Variants in PLPPR5 observed in about 807,000 individuals in gnomAD.
The protein encoded by PLPPR5 is phospholipid phosphatase related 5, also known as phospholipid phosphatase-related protein type 5.
Under a neutral mutation model 33.9 loss-of-function variants are expected in PLPPR5, and 16 were observed. The ratio of observed to expected loss-of-function variants is 0.47; its 90% CI spans 0.32 to 0.72. PLPPR5 has a LOEUF of 0.72. PLPPR5 is among the 30% of genes least tolerant of loss of function. The pLI is 0.03. For synonymous variants in PLPPR5, 163 were observed against 150.3 expected (o/e 1.08, Z -0.62); for missense variants, 301 against 406.7 (o/e 0.74, Z 2.23).
At chr1:98,983,998 C>A (rs1456664906) in intron 1 of PLPPR5, among the ~76,000 whole-genome samples, 1 of 131,818 alleles carries the variant, frequency 7.6e-6, no homozygotes, top group Non-Finnish European at 1.6e-5. Flanking sequence ...CTCTTAATTT[C>A]TTTTTCTTGT....
intron 5 of PLPPR5, among the ~76,000 whole-genome samples, chr1:98,914,361 T>C (rs908718126): frequency 6.6e-6 from 1 of 152,102 alleles, no homozygotes; most frequent in Admixed American, 6.5e-5. Context: ...TCTTGGCTCA[T>C]TGCAACCTTT....
chr1:98,909,856 C>G (rs1649057896), intron 5 of PLPPR5, among the ~76,000 whole-genome samples: 1 of 152,118 alleles, frequency 6.6e-6, no homozygotes, highest in Non-Finnish European at 1.5e-5. Flanking sequence ...CGTTGGGATG[C>G]AACGGGCCAG....
intron 3 of PLPPR5, 42 bp from the exon 4 acceptor site, chr1:98,922,100 T>A (rs1364710249): frequency 1.9e-6 from 3 of 1,574,716 alleles, no homozygotes; most frequent in Admixed American, 3.4e-5. Flanking sequence ...ATGAAGGTAT[T>A]TCCTTTATTA....
intron 1 of PLPPR5, among the ~76,000 whole-genome samples, chr1:98,986,552 G>C (rs911080262): frequency 6.6e-6 from 1 of 151,712 alleles, no homozygotes; most frequent in Admixed American, 6.6e-5. Context: ...TTTGTTAAAG[G>C]AATAAGGGAA....
At chr1:98,915,018 A>G (rs1027156997) in intron 4 of PLPPR5, 98 bp from the exon 5 acceptor site, 3 of 1,089,124 alleles carry the variant, frequency 2.8e-6, no homozygotes, top group African/African-American at 3.2e-5. Context: ...GTAAGAAAGT[A>G]TTAAAATTAC....
At chr1:98,955,928 A>T (rs1650986224) in intron 2 of PLPPR5, among the ~76,000 whole-genome samples, 1 of 152,138 alleles carries the variant, frequency 6.6e-6, no homozygotes, top group Admixed American at 6.5e-5. Context: ...TAAGTCCTGA[A>T]TTAAAATGAT....
intron 5 of PLPPR5, among the ~76,000 whole-genome samples, chr1:98,905,073 CT>C (rs1648846784): frequency 6.6e-6 from 1 of 152,150 alleles, no homozygotes; most frequent in Non-Finnish European, 1.5e-5. Flanking sequence ...CTTTCCGATT[CT>C]TTTGTTCTTC....
chr1:98,998,202 G>C, intron 1 of PLPPR5, among the ~76,000 whole-genome samples: 1 of 152,172 alleles, frequency 6.6e-6, no homozygotes, highest in Non-Finnish European at 1.5e-5. Context: ...ATCCTAAGAG[G>C]CACAAGAAGG....
chr1:98,926,200 GCA>G (rs1557671712), intron 3 of PLPPR5, among the ~76,000 whole-genome samples: 2 of 152,076 alleles, frequency 1.3e-5, no homozygotes, highest in African/African-American at 4.8e-5. Context: ...TCAGCACTCT[GCA>G]CACTCTAGTG....
intron 1 of PLPPR5, among the ~76,000 whole-genome samples, chr1:99,003,078 T>TAC (rs1652926328): frequency 7.3e-6 from 1 of 137,452 alleles, no homozygotes; most frequent in African/African-American, 2.6e-5. Context: ...TATATATATA[T>TAC]ATATATATAT....
At position 98,893,095 on chromosome 1, in the gene PLPPR5, T is replaced by A; in HGVS notation, c.943A>T (p.Thr315Ser). ...EKVTSVQNHI[T>S]AFAEVT ...TATCATGTGACTTCTGCGAAGGCAG[T>A]GATGTGGTTCTGCAAAAAGAAAAAG... Residue 315 changes from threonine to serine, a missense_variant, in exon 6 of 6, where the codon ACT becomes TCT. Transcript: ENST00000263177. The A allele has an allele frequency of 6.2e-7, 1 of 1,611,034 alleles. No individual in the cohort carries two copies. Among genetic ancestry groups the A allele is most frequent in the Non-Finnish European group, 8.5e-7 (1 of 1,178,260 alleles).
intron 1 of PLPPR5, among the ~76,000 whole-genome samples, chr1:98,987,616 T>C (rs1368432553): frequency 2.6e-5 from 4 of 151,804 alleles, no homozygotes; most frequent in Non-Finnish European, 4.4e-5. Flanking sequence ...GTGTGATGCA[T>C]TCAAATAAAT....
Position 98,922,161 on chromosome 1 carries a change from G to A in PLPPR5, c.622-103C>T, listed in dbSNP as rs773755262. 25 of 1,016,074 alleles carry A rather than the reference G, an allele frequency of 2.5e-5. 1 individual carries two copies. Among genetic ancestry groups the A allele is most frequent in the Admixed American group, 6.4e-5 (2 of 31,420 alleles). 62.9% of individuals were successfully genotyped at this position (1,016,074 alleles called of 1,614,324 possible). On this transcript the variant is annotated intron_variant, in intron 3 of 5. Coordinates refer to ENST00000263177, the MANE Select transcript of PLPPR5 (RefSeq NM_001037317.2). ...AACATATATTTATAGACATATATACGCCTGTATGATTCAAATCATTAACTG... is the reference window on the plus strand; with the variant it reads ...AACATATATTTATAGACATATATACACCTGTATGATTCAAATCATTAACTG...
Position 98,987,076 on chromosome 1 carries a change from CTA to C in PLPPR5, c.237+17357_237+17358del, listed in dbSNP as rs903308096. Among the ~76,000 whole-genome samples, 10 of 151,904 alleles carry C rather than the reference CTA, an allele frequency of 6.6e-5. No individual in the cohort carries two copies. In the South Asian group the frequency reaches 1.5e-3, roughly 22 times the overall value. On this transcript the variant is annotated intron_variant, in intron 1 of 5. Coordinates refer to ENST00000263177, the MANE Select transcript of PLPPR5 (RefSeq NM_001037317.2). ...ATTATCACTCTGGATAAATAAATGA[CTA>C]TTACTTTACAGTGATATGTAATATT...
chr1:98,970,892 AT>A (rs995925960), intron 1 of PLPPR5, among the ~76,000 whole-genome samples: 3 of 152,124 alleles, frequency 2.0e-5, no homozygotes, highest in Non-Finnish European at 2.9e-5. Flanking sequence ...ATATTTTATT[AT>A]TTTGTTTTAT....
chr1:98,916,635 T>C (rs945818062), intron 4 of PLPPR5, among the ~76,000 whole-genome samples: 11 of 152,232 alleles, frequency 7.2e-5, no homozygotes, highest in Non-Finnish European at 1.5e-4. Flanking sequence ...TTTACAAAGA[T>C]AGGCAGCAGA....
At chr1:98,949,457 G>A (rs1650697190) in intron 3 of PLPPR5, among the ~76,000 whole-genome samples, 1 of 152,064 alleles carries the variant, frequency 6.6e-6, no homozygotes, top group African/African-American at 2.4e-5. Flanking sequence ...CTCCATAACA[G>A]GGCTCATTGA....
At chr1:98,989,822 C>T (rs1194582232) in intron 1 of PLPPR5, among the ~76,000 whole-genome samples, 1 of 152,128 alleles carries the variant, frequency 6.6e-6, no homozygotes, top group Non-Finnish European at 1.5e-5. Flanking sequence ...TCTGTTTCTT[C>T]TTTCCTCAGC....
At chr1:98,991,211 G>T (rs1401140985) in intron 1 of PLPPR5, 3 of 151,690 alleles carry the variant, frequency 2.0e-5, no homozygotes, top group African/African-American at 7.3e-5. Flanking sequence ...AAAATGCCAT[G>T]ATCTCTCAGC....
Sources: allele counts gnomAD v4.1 joint callset (sites outside exome capture counted in the v4.1 genomes callset), GRCh38; gene constraint gnomAD v4.1.1; transcripts MANE v1.5; gene names NCBI Gene and HGNC (gene_info 2026-07-23, HGNC 2026-07-21).